The following RAPGEF5 variants were observed in gnomAD, a reference collection of about 807,000 sequenced individuals.
RAPGEF5 encodes the protein M-Ras-regulated GEF.
RAPGEF5 carries 65 observed loss-of-function variants against 125.2 expected under a neutral mutation model. That is an observed-to-expected ratio of 0.52 (90% CI 0.43 to 0.64). RAPGEF5 has a LOEUF of 0.64. RAPGEF5 is among the 30% of genes least tolerant of loss of function. RAPGEF5 has a pLI of 0.00. For missense variants in RAPGEF5, 958 were observed against 1,048.1 expected, an observed-to-expected ratio of 0.91 and a Z score of 1.19; for synonymous variants, 391 against 385.9, an observed-to-expected ratio of 1.01 and a Z score of -0.16.
At chr7:22,311,906 T>G (rs1783478923) in intron 3 of RAPGEF5, among the ~76,000 whole-genome samples, 1 of 152,246 alleles carries the variant, frequency 6.6e-6, no homozygotes, top group South Asian at 2.1e-4. Flanking sequence ...CACTTTTATC[T>G]CATGGATTAA....
intron 3 of RAPGEF5, among the ~76,000 whole-genome samples, chr7:22,314,283 T>C (rs1346337081): frequency 2.0e-5 from 3 of 152,196 alleles, no homozygotes; most frequent in South Asian, 2.1e-4. Flanking sequence ...AAATCCACTA[T>C]ATCTGGATAG....
At chr7:22,335,674 C>A (rs905895578) in intron 1 of RAPGEF5, among the ~76,000 whole-genome samples, 2 of 141,654 alleles carry the variant, frequency 1.4e-5, no homozygotes, top group Non-Finnish European at 3.1e-5. Context: ...CTTCCCTGAA[C>A]CAAAACAAGA....
At chr7:22,197,185 C>G (rs1048479716) in intron 9 of RAPGEF5, among the ~76,000 whole-genome samples, 3 of 152,116 alleles carry the variant, frequency 2.0e-5, no homozygotes, top group Non-Finnish European at 4.4e-5. Context: ...CACTTTAGGT[C>G]AGGAGTGGGG....
intron 11 of RAPGEF5, among the ~76,000 whole-genome samples, chr7:22,186,432 T>C (rs936652899): frequency 6.6e-6 from 1 of 152,250 alleles, no homozygotes; most frequent in Admixed American, 6.5e-5. Context: ...CCAGCTTTTT[T>C]ATTTTTAAAG....
At position 22,356,103 on chromosome 7, in the gene RAPGEF5, G is replaced by A. The variant is rs940690866; in HGVS notation, c.231+727C>T. The stretch of plus-strand genomic sequence containing the variant: ...CAGGAGACAATCAGCAGACCTTCCT[G>A]CTTCTCTTAAAAATACAAAACATGC... On this transcript the variant is annotated intron_variant, in intron 1 of 25. Coordinates refer to ENST00000665637, the MANE Select transcript of RAPGEF5 (RefSeq NM_012294.5). The A allele has an allele frequency of 6.1e-6, 6 of 985,256 alleles. No individual in the cohort carries two copies. The Admixed American group carries it at 3.7e-4, about 61-fold the overall frequency. 61.0% of individuals were successfully genotyped at this position (985,256 alleles called of 1,614,324 possible).
intron 5 of RAPGEF5, among the ~76,000 whole-genome samples, chr7:22,304,454 G>A (rs1048417325): frequency 2.0e-5 from 3 of 152,196 alleles, no homozygotes; most frequent in Non-Finnish European, 4.4e-5. Flanking sequence ...GTAATCTGGA[G>A]TTATTATTAG....
intron 15 of RAPGEF5, 48 bp downstream of exon 15, chr7:22,157,807 G>T (rs753278720): frequency 6.4e-7 from 1 of 1,568,986 alleles, no homozygotes; most frequent in South Asian, 1.1e-5. Flanking sequence ...GCAAGGCAAG[G>T]TCTCCAAACC....
chr7:22,250,839 C>T (rs2128138214), intron 7 of RAPGEF5, among the ~76,000 whole-genome samples: 1 of 152,248 alleles, frequency 6.6e-6, no homozygotes, highest in South Asian at 2.1e-4. Flanking sequence ...GACATGACCT[C>T]CAGCATGGTA....
chr7:22,162,562 A>G (rs1171775259), intron 12 of RAPGEF5, 21 bp from the exon 13 acceptor site: 1 of 1,588,740 alleles, frequency 6.3e-7, no homozygotes, highest in Admixed American at 1.7e-5. Context: ...TTAAGAAAAA[A>G]TTATATTGTT....
chr7:22,157,732 C>A, intron 15 of RAPGEF5, 123 bp downstream of exon 15: 4 of 1,062,808 alleles, frequency 3.8e-6, no homozygotes, highest in Non-Finnish European at 5.7e-6. Context: ...CAGCCCCAGG[C>A]GCCCCGCCTT....
chr7:22,228,833 C>CA (rs1330959369), intron 8 of RAPGEF5, among the ~76,000 whole-genome samples: 1 of 151,986 alleles, frequency 6.6e-6, no homozygotes, highest in African/African-American at 2.4e-5. Flanking sequence ...GTTACTGTGC[C>CA]AGTCAGGAAA....
intron 8 of RAPGEF5, among the ~76,000 whole-genome samples, chr7:22,220,756 G>A (rs1785766579): frequency 6.6e-6 from 1 of 151,564 alleles, no homozygotes; most frequent in African/African-American, 2.4e-5. Flanking sequence ...TAATTATGAA[G>A]TGTTTCTGCT....
chr7:22,344,980 G>C (rs1032080154), intron 1 of RAPGEF5, among the ~76,000 whole-genome samples: 3 of 152,200 alleles, frequency 2.0e-5, no homozygotes, highest in African/African-American at 7.2e-5. Context: ...ACAAAGTGTG[G>C]TCTGTGGATG....
rs1554334069 is a variant in RAPGEF5, at chr7:22,242,962, A to AAAAG, written c.797-12047_797-12044dup. ...AACTCCGTCTCAAAAAAAAAAAAAA[A>AAAAG]AAAGAAAGAAAGAAAGAAAGAAACA... is the stretch of plus-strand genomic sequence containing the variant. On this transcript the variant is annotated intron_variant, in intron 7 of 25. Coordinates refer to ENST00000665637, the MANE Select transcript of RAPGEF5 (RefSeq NM_012294.5). Among the ~76,000 whole-genome samples the AAAAG allele has an allele frequency of 7.1e-3, 1,061 of 149,538 alleles. 9 individuals are homozygous for AAAAG. Among genetic ancestry groups the AAAAG allele is most frequent in the Middle Eastern group, 0.038 (11 of 288 alleles).
intron 9 of RAPGEF5, among the ~76,000 whole-genome samples, chr7:22,218,022 T>C (rs955083383): frequency 4.6e-5 from 7 of 152,146 alleles, no homozygotes; most frequent in Non-Finnish European, 2.9e-5. Context: ...ATGTGCAGGT[T>C]TGTTACATAT....
chr7:22,354,642 G>A (rs1025563940), intron 1 of RAPGEF5, among the ~76,000 whole-genome samples: 3 of 152,062 alleles, frequency 2.0e-5, no homozygotes, highest in African/African-American at 4.8e-5. Context: ...AATTATTTAG[G>A]GTTAGACTAG....
chr7:22,306,025 G>A (rs1417512614), intron 5 of RAPGEF5, among the ~76,000 whole-genome samples: 1 of 152,148 alleles, frequency 6.6e-6, no homozygotes, highest in African/African-American at 2.4e-5. Flanking sequence ...AGGAAAGCAG[G>A]TATCCTTTTG....
intron 17 of RAPGEF5, among the ~76,000 whole-genome samples, chr7:22,151,047 T>C (rs1783610212): frequency 6.6e-6 from 1 of 152,246 alleles, no homozygotes; most frequent in Admixed American, 6.5e-5. Flanking sequence ...TCATGTTTAA[T>C]TGGTTATATG....
At chr7:22,245,843 T>A (rs1786462210) in intron 7 of RAPGEF5, among the ~76,000 whole-genome samples, 2 of 152,074 alleles carry the variant, frequency 1.3e-5, no homozygotes, top group African/African-American at 4.8e-5. Context: ...CTAGAAAATC[T>A]CAAAGGCTCC....
Sources: allele counts gnomAD v4.1 joint callset (sites outside exome capture counted in the v4.1 genomes callset), GRCh38; gene constraint gnomAD v4.1.1; transcripts MANE v1.5; gene names NCBI Gene and HGNC (gene_info 2026-07-23, HGNC 2026-07-21).